Variants in COL14A1 observed in about 807,000 individuals in gnomAD.
COL14A1 encodes collagen type XIV alpha 1 chain.
A neutral mutation model predicts 230.3 loss-of-function variants in COL14A1; 136 were observed. The ratio of observed to expected loss-of-function variants is 0.59; its 90% CI spans 0.51 to 0.68. The LOEUF is 0.68. Ranked by LOEUF, COL14A1 falls within the 30% of genes least tolerant of loss-of-function variation. COL14A1 has a pLI of 0.00. For missense variants in COL14A1, 1,976 were observed against 2,215.8 expected, an observed-to-expected ratio of 0.89 and a Z score of 2.17; for synonymous variants, 792 against 784.1, an observed-to-expected ratio of 1.01 and a Z score of -0.17.
intron 29 of COL14A1, among the ~76,000 whole-genome samples, chr8:120,280,336 CA>C (rs1819996888): frequency 6.6e-6 from 1 of 152,120 alleles, no homozygotes; most frequent in Non-Finnish European, 1.5e-5. Flanking sequence ...TGTTTAAAAG[CA>C]ACTGTGCTTA....
At chr8:120,353,729 AG>A (rs1301475468) in intron 45 of COL14A1, among the ~76,000 whole-genome samples, 1 of 150,576 alleles carries the variant, frequency 6.6e-6, no homozygotes, top group Non-Finnish European at 1.5e-5. Context: ...ATCATTAAAA[AG>A]TCAGGAAACA....
rs754667004 is a variant in COL14A1 at position 120,250,702 on chromosome 8, T to C, written c.2688T>C (p.Asn896=). The C allele has an allele frequency of 6.2e-7, 1 of 1,614,204 alleles. No homozygotes were observed. Among genetic ancestry groups the C allele is most frequent in the Non-Finnish European group, 8.5e-7 (1 of 1,180,036 alleles). Residue 896 remains asparagine (N), a synonymous_variant, in exon 22 of 48, where the codon AAT becomes AAC. Coordinates refer to ENST00000297848, the MANE Select transcript of COL14A1 (RefSeq NM_021110.4). ...ITNLLSGMDY[N]VKIFASQASG... ...ACCTCCTCAGCGGAATGGACTACAATGTGAAGATATTTGCCTCCCAGGCCT... is the reference window on the plus strand; with the variant it reads ...ACCTCCTCAGCGGAATGGACTACAACGTGAAGATATTTGCCTCCCAGGCCT...
In COL14A1 at chr8:120,372,831, C is replaced by A. The variant is rs544474584; in HGVS notation, c.*1600C>A. ...TGCCTTTGGTGGGGTGGGGCAGGGG[C>A]GGGGGGCGGTTCTAAACAAATCAGT... On this transcript the variant is annotated 3_prime_UTR_variant, in exon 48 of 48. Transcript: ENST00000297848. Among the ~76,000 whole-genome samples, 364 of 139,794 alleles carry A rather than the reference C, an allele frequency of 2.6e-3. No homozygotes were observed. Among genetic ancestry groups the A allele is most frequent in the African/African-American group, 8.9e-3 (345 of 38,958 alleles). 91.7% of individuals were successfully genotyped at this position (139,794 alleles called of 152,430 possible).
intron 36 of COL14A1, among the ~76,000 whole-genome samples, chr8:120,305,719 G>A (rs749377366): frequency 1.3e-5 from 2 of 151,710 alleles, no homozygotes; most frequent in African/African-American, 2.4e-5. Context: ...TTTTATTTGT[G>A]TTACATATAT....
At chr8:120,307,210 T>C (rs1158596049) in intron 36 of COL14A1, among the ~76,000 whole-genome samples, 1 of 152,166 alleles carries the variant, frequency 6.6e-6, no homozygotes, top group Non-Finnish European at 1.5e-5. Flanking sequence ...TTTTTTGGCC[T>C]TTATCTAGGG....
At chr8:120,361,683 T>G (rs1563399) in intron 45 of COL14A1, among the ~76,000 whole-genome samples, 11 of 152,054 alleles carry the variant, frequency 7.2e-5, no homozygotes, top group African/African-American at 2.7e-4. Context: ...CAATGGAAGC[T>G]TTCCCCAGGC....
intron 36 of COL14A1, among the ~76,000 whole-genome samples, chr8:120,307,721 T>G (rs914034048): frequency 2.6e-5 from 4 of 152,168 alleles, no homozygotes. Context: ...ATAAGGTATA[T>G]TTTCAGCAAT....
chr8:120,369,377 C>A lies in COL14A1; in HGVS notation c.5203C>A (p.Pro1735Thr). 1 of 1,607,424 alleles carries A rather than the reference C, an allele frequency of 6.2e-7. No individual in the cohort carries two copies. The highest frequency in any genetic ancestry group is 8.5e-7 in the Non-Finnish European group (1 of 1,176,952). Residue 1735 changes from proline to threonine, a missense_variant, in exon 47 of 48, where the codon CCT becomes ACT. Coordinates refer to ENST00000297848, the MANE Select transcript of COL14A1 (RefSeq NM_021110.4). ...RPGSPGPPGS[P>T]GPRGPPGHLG... The stretch of plus-strand genomic sequence containing the variant: ...TGGCAGCCCTGGGCCCCCTGGCTCT[C>A]CTGGACCAAGAGGCCCACCAGGTCA...
chr8:120,259,598 G>T (rs1819263994), intron 23 of COL14A1, among the ~76,000 whole-genome samples: 1 of 152,034 alleles, frequency 6.6e-6, no homozygotes, highest in Admixed American at 6.6e-5. Flanking sequence ...GATACTGTTT[G>T]CCATTAATCT....
chr8:120,211,759 T>C (rs2034841), intron 12 of COL14A1, among the ~76,000 whole-genome samples: 86,336 of 152,026 alleles, frequency 0.57, 25,706 homozygotes, highest in African/African-American at 0.75. Flanking sequence ...TGCCTGTAGA[T>C]TGGAGATTTA....
At chr8:120,208,598 G>A (rs999984786) in intron 11 of COL14A1, among the ~76,000 whole-genome samples, 2 of 152,136 alleles carry the variant, frequency 1.3e-5, no homozygotes, top group Admixed American at 6.6e-5. Flanking sequence ...AGCAATCTTG[G>A]TGGTGAAGAG....
intron 45 of COL14A1, among the ~76,000 whole-genome samples, chr8:120,361,741 TG>T (rs1823226079): frequency 6.6e-6 from 1 of 152,070 alleles, no homozygotes; most frequent in Non-Finnish European, 1.5e-5. Context: ...TCAGAATGTC[TG>T]GGGATGAGGA....
At chr8:120,236,124 A>G (rs1818435663) in intron 19 of COL14A1, among the ~76,000 whole-genome samples, 1 of 152,182 alleles carries the variant, frequency 6.6e-6, no homozygotes, top group Admixed American at 6.5e-5. Flanking sequence ...GTAGATGTCT[A>G]TTAGGTCCTC....
At chr8:120,258,094 G>T (rs1403372947) in intron 23 of COL14A1, among the ~76,000 whole-genome samples, 1 of 152,190 alleles carries the variant, frequency 6.6e-6, no homozygotes, top group African/African-American at 2.4e-5. Context: ...AATATTCACA[G>T]AAATCTAGAT....
At position 120,231,515 on chromosome 8, in the gene COL14A1, C is replaced by G; in HGVS notation, c.2246C>G (p.Ser749Cys). Residue 749 changes from serine (S) to cysteine (C), a missense_variant, in exon 19 of 48, where the codon TCT (serine) becomes TGT (cysteine). Physicochemically the swap from Ser to Cys is moderately radical, Grantham distance 112. This residue lies in a region of COL14A1 where 1,791 missense variants were observed against 2,019.5 expected (regional missense o/e 0.89). Transcript: ENST00000297848. ...CTAGTTGTAGGTGATGAAACTACTTCTAGCCTGCGGGTAAAATGGGACATT... is the reference window on the plus strand; with the variant it reads ...CTAGTTGTAGGTGATGAAACTACTTGTAGCCTGCGGGTAAAATGGGACATT... ...RNLVVGDETT[S>C]SLRVKWDISD... The G allele has an allele frequency of 6.2e-7, 1 of 1,614,068 alleles. No individual in the cohort carries two copies.
intron 1 of COL14A1, among the ~76,000 whole-genome samples, chr8:120,136,734 TGGGCA>T (rs1388616107): frequency 6.6e-6 from 1 of 151,716 alleles, no homozygotes; most frequent in Non-Finnish European, 1.5e-5. Context: ...GCAGCTGAGG[TGGGCA>T]GATCACTTGA....
chr8:120,259,256 T>C (rs1298631631), intron 23 of COL14A1, among the ~76,000 whole-genome samples: 1 of 152,174 alleles, frequency 6.6e-6, no homozygotes, highest in African/African-American at 2.4e-5. Context: ...TATTCTTTGC[T>C]TGTGGAACTC....
At chr8:120,157,176 A>G (rs1423878316) in intron 2 of COL14A1, among the ~76,000 whole-genome samples, 1 of 152,226 alleles carries the variant, frequency 6.6e-6, no homozygotes, top group Non-Finnish European at 1.5e-5. Flanking sequence ...GTCAGAAAAG[A>G]TAAAACATTC....
chr8:120,129,368 T>C (rs1814452046), intron 1 of COL14A1, among the ~76,000 whole-genome samples: 1 of 152,178 alleles, frequency 6.6e-6, no homozygotes, highest in Non-Finnish European at 1.5e-5. Context: ...CAGTCTCCCA[T>C]TTCTTTGACA....
Sources: gnomAD v4.1 joint callset for allele counts (sites outside exome capture counted in the v4.1 genomes callset) on GRCh38, gnomAD v4.1.1 for gene constraint, gnomAD v4.1.1 regional missense constraint, MANE v1.5 for transcripts, NCBI Gene and HGNC (gene_info 2026-07-23, HGNC 2026-07-21) for gene names.